ADAMTSL2: variants seen among roughly 807,000 people sequenced by gnomAD.
ADAMTSL2 encodes the protein ADAMTS-like protein 2.
In ADAMTSL2, 55 loss-of-function variants were observed where a neutral mutation model predicts 117.0. The observed-to-expected ratio is 0.47, with a 90% CI of 0.38 to 0.59. The LOEUF is 0.59. Among genes scored for constraint, ADAMTSL2 ranks in the 20% least tolerant of loss-of-function variants. The pLI, the probability that ADAMTSL2 is intolerant of heterozygous loss-of-function variation, is 0.00. For missense variants in ADAMTSL2, 1,182 were observed against 1,354.5 expected (o/e 0.87, Z 2.00); for synonymous variants, 572 against 566.4 (o/e 1.01, Z -0.14).
In ADAMTSL2 at chr9:133,540,674, C is replaced by G; in HGVS notation, c.489C>G (p.Val163=). ...TTVDGQRQLM[V]PARDGTSCKL... ...TGGACGGCCAGCGGCAGCTCATGGT[C>G]CCCGCCCGCGACGGCACATCCTGCA... The change falls in exon 6 of 19, where the codon GTC becomes GTG. Residue 163 remains valine (V), a synonymous_variant. Transcript: ENST00000651351. The G allele has an allele frequency of 6.2e-7, 1 of 1,613,798 alleles. No individual in the cohort carries two copies. Among genetic ancestry groups the G allele is most frequent in the Non-Finnish European group, 8.5e-7 (1 of 1,180,052 alleles).
chr9:133,544,382 C>T, intron 7 of ADAMTSL2, 88 bp from the exon 8 acceptor site: 2 of 1,107,820 alleles, frequency 1.8e-6, no homozygotes, highest in Non-Finnish European at 1.4e-6. Flanking sequence ...AGCCACCGCT[C>T]ACCCTCCAAT....
chr9:133,569,467 C>G lies in ADAMTSL2; in HGVS notation c.2304C>G (p.Asp768Glu). ...GGCACGTGTACTGCAAGACCAGCGA[C>G]GGACGGGTAGTACCTGAGTCCCAGT... ...TIRHVYCKTS[D>E]GRVVPESQCQ... Residue 768 changes from aspartate to glutamate, a missense_variant, in exon 16 of 19, where the codon GAC (aspartate) becomes GAG (glutamate). This residue lies in a region of ADAMTSL2 where 465 missense variants were observed against 565.3 expected (regional missense o/e 0.82). Transcript: ENST00000651351. The G allele has an allele frequency of 6.2e-7, 1 of 1,613,612 alleles. No homozygotes were observed. The highest frequency in any genetic ancestry group is 1.1e-5 in the South Asian group (1 of 91,044).
chr9:133,555,346 T>C (rs1369266615), intron 10 of ADAMTSL2, among the ~76,000 whole-genome samples: 4 of 152,020 alleles, frequency 2.6e-5, no homozygotes, highest in African/African-American at 7.2e-5. Flanking sequence ...CAGAAGTCGA[T>C]TGAATTCCCA....
At chr9:133,533,163 CTGTGTGTGTGTGTG>C (rs71378583), upstream of ADAMTSL2, among the ~76,000 whole-genome samples, 662 of 148,152 alleles carry the variant, frequency 4.5e-3, 2 homozygotes, top group Admixed American at 0.017. Flanking sequence ...GTGTGTGTGC[CTGTGTGTGTGTGTG>C]TGTGTGTGTG....
At position 133,575,279 on chromosome 9, in the gene ADAMTSL2, A is replaced by G. The variant is rs937006990; in HGVS notation, c.*415A>G. The G allele has an allele frequency of 2.5e-5, 6 of 239,012 alleles. No homozygotes were observed. The highest frequency in any genetic ancestry group is 5.7e-5 in the South Asian group (1 of 17,622). The allele number at this position is 239,012 out of a possible 1,614,324, so 14.8% of individuals were successfully genotyped here. On this transcript the variant is annotated 3_prime_UTR_variant, in exon 19 of 19. Transcript: ENST00000651351. ...TGAAGGAAACTTGCAGGCGAGCCCA[A>G]CGTGGTGGGGGGCCTTCCTCCCTCA...
At chr9:133,564,655 A>G (rs1588305552) in intron 12 of ADAMTSL2, among the ~76,000 whole-genome samples, 1 of 114,588 alleles carries the variant, frequency 8.7e-6, no homozygotes, top group Non-Finnish European at 1.8e-5. Flanking sequence ...AGAGGGAGAG[A>G]GGGAGAGAGA....
Position 133,575,144 on chromosome 9 carries a change from C to A in ADAMTSL2, c.*280C>A, listed in dbSNP as rs886063650. 2 of 475,742 alleles carry A rather than the reference C, an allele frequency of 4.2e-6. No individual in the cohort carries two copies. The highest frequency in any genetic ancestry group is 7.7e-6 in the Non-Finnish European group (2 of 259,800). The allele number at this position is 475,742 out of a possible 1,614,324, so 29.5% of individuals were successfully genotyped here. A position where few individuals can be genotyped will look rare whatever the true frequency, so the allele number is the denominator to read the frequency against. On this transcript the variant is annotated 3_prime_UTR_variant, in exon 19 of 19. Transcript: ENST00000651351. ...GGATCCTGTGTTTGTGGCTCCCACT[C>A]CCCAGCCCCCCAGCAGCCCCCAGCC...
At chr9:133,537,657 C>G (rs539124993) in intron 3 of ADAMTSL2, 110 bp downstream of exon 3, 4 of 1,196,344 alleles carry the variant, frequency 3.3e-6, no homozygotes, top group Non-Finnish European at 1.1e-6. Context: ...GGAGGGCTCT[C>G]GGGTTGGGGG....
In ADAMTSL2 at chr9:133,554,201, A is replaced by C. The variant is rs1341406693; in HGVS notation, c.940-156A>C. Among the ~76,000 whole-genome samples the C allele has an allele frequency of 5.9e-5, 9 of 152,162 alleles. No individual in the cohort carries two copies. Among genetic ancestry groups the C allele is most frequent in the Admixed American group, 5.9e-4 (9 of 15,290 alleles). On this transcript the variant is annotated intron_variant, in intron 9 of 18. Transcript: ENST00000651351. This position sits in a 1 kb window ranked among gnomAD's most constrained non-coding sequence, Gnocchi z 5.2. ...ACTTGGATGCCCCTGGGGCAGGAGCACTGCGTTGGGCTGGGCTAGTCAGTG... is the reference window on the plus strand; with the variant it reads ...ACTTGGATGCCCCTGGGGCAGGAGCCCTGCGTTGGGCTGGGCTAGTCAGTG...
At chr9:133,573,484 C>A (rs978511068) in intron 17 of ADAMTSL2, among the ~76,000 whole-genome samples, 2 of 152,130 alleles carry the variant, frequency 1.3e-5, no homozygotes, top group African/African-American at 4.8e-5. Context: ...CTGAGGCAGC[C>A]CTGCGTGGGG....
Position 133,573,878 on chromosome 9 carries a change from A to G in ADAMTSL2, c.2628A>G (p.Arg876=). 6.2e-7 allele frequency: 1 copy of G among 1,614,060 alleles called. No homozygotes were observed. The highest frequency in any genetic ancestry group is 1.7e-5 in the Admixed American group (1 of 60,034). Residue 876 remains arginine (R), a synonymous_variant, in exon 18 of 19, where the codon CGA becomes CGG. Coordinates refer to ENST00000651351, the MANE Select transcript of ADAMTSL2 (RefSeq NM_014694.4). ...CCTGCGGGGTGGGCGTGAGGATGCG[A>G]GACGTCAAGTGCTACCAGGGGACCG... ...TKTCGVGVRM[R]DVKCYQGTDI... is the part of the protein sequence containing the mutation.
At position 133,559,510 on chromosome 9, in the gene ADAMTSL2, A is replaced by ATT. The variant is rs35999438; in HGVS notation, c.1650-1674_1650-1673dup. Among the ~76,000 whole-genome samples, 312 of 141,554 alleles carry ATT rather than the reference A, an allele frequency of 2.2e-3. 2 individuals are homozygous for ATT. Among genetic ancestry groups the ATT allele is most frequent in the Middle Eastern group, 0.011 (3 of 280 alleles). The allele number at this position is 141,554 out of a possible 152,430, so 92.9% of individuals were successfully genotyped here. A position where few individuals can be genotyped will look rare whatever the true frequency, so the allele number is the denominator to read the frequency against. On this transcript the variant is annotated intron_variant, in intron 11 of 18. Transcript: ENST00000651351. ...AGGCGCCCGCCACCACACCCGGTGA[A>ATT]TTTTTTTTTTTTTTTGTATTTTTAG...
At chr9:133,536,019 G>T (rs1287449791) in intron 1 of ADAMTSL2, among the ~76,000 whole-genome samples, 1 of 152,168 alleles carries the variant, frequency 6.6e-6, no homozygotes, top group African/African-American at 2.4e-5. Flanking sequence ...CTCCTGCCCT[G>T]CCCCTCCCCC....
At position 133,534,834 on chromosome 9, in the gene ADAMTSL2, G is replaced by A. The variant is rs560527588; in HGVS notation, c.-234G>A. 136 of 1,497,598 alleles carry A rather than the reference G, an allele frequency of 9.1e-5. No homozygotes were observed. The highest frequency in any genetic ancestry group is 3.5e-4 in the Admixed American group (16 of 45,206). The allele number at this position is 1,497,598 out of a possible 1,614,324, so 92.8% of individuals were successfully genotyped here. A position where few individuals can be genotyped will look rare whatever the true frequency, so the allele number is the denominator to read the frequency against. ...CAGCCTCTGCACTCACGCCGCCCCC[G>A]CACGCACAGCGCACCTGGCGCCGTC... is the stretch of plus-strand genomic sequence containing the variant. On this transcript the variant is annotated 5_prime_UTR_variant, in exon 1 of 19. Transcript: ENST00000651351.
intron 9 of ADAMTSL2, among the ~76,000 whole-genome samples, chr9:133,548,819 G>A (rs1830416748): frequency 6.6e-6 from 1 of 152,188 alleles, no homozygotes; most frequent in Non-Finnish European, 1.5e-5. Context: ...TGGGGTCCGT[G>A]GTCCACCCCC....
chr9:133,561,300 T>G lies in ADAMTSL2; in HGVS notation c.1747+5T>G. ...GCAGTGCCACCTGCACCACAGGTAC[T>G]GGTCACGGGTGCCAAGGGGCAGCAA... On this transcript the variant is annotated splice_donor_5th_base_variant and intron_variant, in intron 12 of 18. Coordinates refer to ENST00000651351, the MANE Select transcript of ADAMTSL2 (RefSeq NM_014694.4). 6.3e-7 allele frequency: 1 copy of G among 1,583,242 alleles called. No homozygotes were observed.
In ADAMTSL2 at chr9:133,560,380, G is replaced by A. The variant is rs1390552599; in HGVS notation, c.1650-818G>A. ...TGGCTCAGGGGCGGCGGGACTCCAT[G>A]GTGGCGTCCCAGAGCAGATGCCCGG... On this transcript the variant is annotated intron_variant, in intron 11 of 18. Transcript: ENST00000651351. Among the ~76,000 whole-genome samples, 4 of 152,340 alleles carry A rather than the reference G, an allele frequency of 2.6e-5. No homozygotes were observed. The East Asian group carries it at 7.7e-4, about 29-fold the overall frequency.
chr9:133,546,914 T>A (rs1830361661), intron 8 of ADAMTSL2, 124 bp from the exon 9 acceptor site: 6 of 994,162 alleles, frequency 6.0e-6, no homozygotes, highest in Non-Finnish European at 3.2e-6. Context: ...GGGAGTTTCC[T>A]GTCTCGGGAG....
At chr9:133,549,639 C>A (rs1301407533) in intron 9 of ADAMTSL2, among the ~76,000 whole-genome samples, 3 of 69,404 alleles carry the variant, frequency 4.3e-5, no homozygotes, top group Non-Finnish European at 1.1e-4. Flanking sequence ...CCTGCCTCAG[C>A]CTCTCATAGT....
Sources: allele counts gnomAD v4.1 joint callset (sites outside exome capture counted in the v4.1 genomes callset), GRCh38; gene constraint gnomAD v4.1.1; regional missense constraint gnomAD v4.1.1; non-coding constraint Gnocchi (gnomAD v3.1); transcripts MANE v1.5; gene names NCBI Gene and HGNC (gene_info 2026-07-23, HGNC 2026-07-21).